The following GRM1 variants were observed in gnomAD, a reference collection of about 807,000 sequenced individuals.
GRM1 encodes glutamate metabotropic receptor 1.
A neutral mutation model predicts 90.9 loss-of-function variants in GRM1; 33 were observed. The ratio of observed to expected loss-of-function variants is 0.36; its 90% CI spans 0.28 to 0.49. GRM1 has a LOEUF of 0.49. Ranked by LOEUF, GRM1 falls within the 20% of genes least tolerant of loss-of-function variation. GRM1 has a pLI of 0.99. For missense variants in GRM1, 1,190 were observed against 1,534.3 expected, an observed-to-expected ratio of 0.78 and a Z score of 3.75; for synonymous variants, 700 against 613.2, an observed-to-expected ratio of 1.14 and a Z score of -2.09.
intron 2 of GRM1, among the ~76,000 whole-genome samples, chr6:146,234,259 C>T (rs553002289): frequency 1.1e-4 from 16 of 152,116 alleles, no homozygotes; most frequent in Admixed American, 9.2e-4. Flanking sequence ...TAGCATATAA[C>T]AGCATACAAG....
At chr6:146,104,357 G>A (rs1393865023) in intron 1 of GRM1, among the ~76,000 whole-genome samples, 1 of 151,926 alleles carries the variant, frequency 6.6e-6, no homozygotes, top group South Asian at 2.1e-4. Flanking sequence ...GGAGAATGAC[G>A]TGAACCTGGG....
rs9373491 is a variant in GRM1, at chr6:146,434,706, C to A, written c.3495C>A (p.Pro1165=). ...VASGSSVPSS[P]VSESVLCTPP... ...CGGGCAGCTCGGTGCCCAGCTCCCC[C>A]GTGTCCGAGTCGGTGCTCTGCACCC... Residue 1165 remains proline (P), a synonymous_variant, in exon 8 of 8, where the codon CCC becomes CCA. Coordinates refer to ENST00000282753, the MANE Select transcript of GRM1 (RefSeq NM_001278064.2). 0.53 allele frequency: 847,637 copies of A among 1,602,804 alleles called. 226,687 individuals are homozygous for A. Among genetic ancestry groups the A allele is most frequent in the African/African-American group, 0.67 (50,570 of 74,962 alleles).
chr6:146,418,747 T>C (rs1777877503), intron 7 of GRM1, among the ~76,000 whole-genome samples: 1 of 152,172 alleles, frequency 6.6e-6, no homozygotes, highest in East Asian at 1.9e-4. Context: ...CTGTTTTGAT[T>C]TATTCAGTCA....
chr6:146,077,513 G>A lies in GRM1; in HGVS notation c.700+47296G>A, dbSNP rs140968661. Among the ~76,000 whole-genome samples the A allele has an allele frequency of 2.0e-3, 312 of 152,288 alleles. 1 individual carries two copies. Among genetic ancestry groups the A allele is most frequent in the African/African-American group, 7.2e-3 (300 of 41,546 alleles). ...CCTCAACACAAAGACAAATTATGAA[G>A]CAGAGTGGTGTGGTAGAACAAGCAC... On this transcript the variant is annotated intron_variant, in intron 1 of 7. Transcript: ENST00000282753.
chr6:146,297,163 A>G (rs971474159), intron 2 of GRM1, among the ~76,000 whole-genome samples: 1 of 151,438 alleles, frequency 6.6e-6, no homozygotes, highest in Non-Finnish European at 1.5e-5. Flanking sequence ...ACGTGTAAAC[A>G]ATTTTTTTTT....
At chr6:146,429,837 C>A (rs1778345379) in intron 7 of GRM1, among the ~76,000 whole-genome samples, 1 of 152,160 alleles carries the variant, frequency 6.6e-6, no homozygotes, top group Admixed American at 6.5e-5. Context: ...CAGGAGTGAG[C>A]CTCTCTTTCT....
chr6:146,393,218 T>C (rs1776797737), intron 6 of GRM1, among the ~76,000 whole-genome samples: 1 of 152,166 alleles, frequency 6.6e-6, no homozygotes, highest in Non-Finnish European at 1.5e-5. Flanking sequence ...TTTTTAATGA[T>C]CACCATTCTA....
chr6:146,281,150 A>C (rs1271549724), intron 2 of GRM1, among the ~76,000 whole-genome samples: 1 of 152,140 alleles, frequency 6.6e-6, no homozygotes, highest in African/African-American at 2.4e-5. Flanking sequence ...CTGCTTTTCT[A>C]CCTTCTTCTT....
At chr6:146,106,013 G>T (rs2128872033) in intron 1 of GRM1, among the ~76,000 whole-genome samples, 1 of 152,242 alleles carries the variant, frequency 6.6e-6, no homozygotes, top group South Asian at 2.1e-4. Context: ...TCTAAACAGG[G>T]TCTAGGGCAT....
Position 146,434,481 on chromosome 6 carries a change from C to G in GRM1, c.3270C>G (p.Val1090=), listed in dbSNP as rs759730039. ...TGAGCACCTTTGGGGAGGAGCTGGT[C>G]TCCCCGCCCGCGGACGACGACGACG... ...LQLSTFGEEL[V]SPPADDDDDS... is the part of the protein sequence containing the mutation. The change falls in exon 8 of 8, where the codon GTC becomes GTG. Residue 1090 remains valine (V), a synonymous_variant. Coordinates refer to ENST00000282753, the MANE Select transcript of GRM1 (RefSeq NM_001278064.2). 6.2e-7 allele frequency: 1 copy of G among 1,614,012 alleles called. No homozygotes were observed. Among genetic ancestry groups the G allele is most frequent in the Non-Finnish European group, 8.5e-7 (1 of 1,179,992 alleles).
At position 146,053,651 on chromosome 6, in the gene GRM1, A is replaced by G. The variant is rs116396782; in HGVS notation, c.700+23434A>G. Among the ~76,000 whole-genome samples, 579 of 152,158 alleles carry G rather than the reference A, an allele frequency of 3.8e-3. 3 individuals are homozygous for G. The highest frequency in any genetic ancestry group is 0.013 in the African/African-American group (547 of 41,546). On this transcript the variant is annotated intron_variant, in intron 1 of 7. Coordinates refer to ENST00000282753, the MANE Select transcript of GRM1 (RefSeq NM_001278064.2). The stretch of plus-strand genomic sequence containing the variant: ...TGTGGCACAGCAGATCTCTGAACCC[A>G]GTTCTTGGTCCAGGGCTCTTTCATC...
intron 1 of GRM1, among the ~76,000 whole-genome samples, chr6:146,125,217 A>G (rs1245045508): frequency 6.6e-6 from 1 of 152,178 alleles, no homozygotes; most frequent in Non-Finnish European, 1.5e-5. Flanking sequence ...TATCACTCCC[A>G]ACACCCAAAT....
At chr6:146,350,248 G>C (rs1238322254) in intron 3 of GRM1, among the ~76,000 whole-genome samples, 1 of 152,158 alleles carries the variant, frequency 6.6e-6, no homozygotes, top group Non-Finnish European at 1.5e-5. Context: ...TTAAATAGTA[G>C]TTATAAAAAC....
chr6:146,228,489 C>CTAAT (rs1262605283), intron 2 of GRM1, among the ~76,000 whole-genome samples: 1 of 152,148 alleles, frequency 6.6e-6, no homozygotes, highest in Middle Eastern at 3.2e-3. Context: ...CCCTCATGAC[C>CTAAT]TAATCACTCC....
At chr6:146,154,529 AG>A (rs1216636412) in intron 1 of GRM1, among the ~76,000 whole-genome samples, 1 of 152,184 alleles carries the variant, frequency 6.6e-6, no homozygotes, top group African/African-American at 2.4e-5. Context: ...GGACTGAATT[AG>A]GTTACTGAAG....
chr6:146,273,496 G>T (rs1257833509), intron 2 of GRM1, among the ~76,000 whole-genome samples: 1 of 152,134 alleles, frequency 6.6e-6, no homozygotes, highest in African/African-American at 2.4e-5. Context: ...TACTCCCTAG[G>T]TGTCCTAAAA....
At chr6:146,267,763 C>T (rs906967559) in intron 2 of GRM1, among the ~76,000 whole-genome samples, 55 of 150,768 alleles carry the variant, frequency 3.6e-4, no homozygotes, top group African/African-American at 1.3e-3. Flanking sequence ...CTCGTCTCTT[C>T]ATGTTTTTCT....
chr6:146,159,608 C>T lies in GRM1; in HGVS notation c.950+11C>T, dbSNP rs1384752169. 3 of 315,888 alleles carry T rather than the reference C, an allele frequency of 9.5e-6. No individual in the cohort carries two copies. Among genetic ancestry groups the T allele is most frequent in the Admixed American group, 1.4e-4 (2 of 14,192 alleles). 19.6% of individuals were successfully genotyped at this position (315,888 alleles called of 1,614,324 possible). A position where few individuals can be genotyped will look rare whatever the true frequency, so the allele number is the denominator to read the frequency against. On this transcript the variant is annotated intron_variant, in intron 2 of 7. Transcript: ENST00000282753. ...CTCACTCATTGGAAGGTAAGTTTCT[C>T]TCTCTCTCTCTCTCTCTCTCTCTCT... is the stretch of plus-strand genomic sequence containing the variant.
chr6:146,433,996 G>A lies in GRM1; in HGVS notation c.2785G>A (p.Val929Ile), dbSNP rs2941. Residue 929 changes from valine to isoleucine, a missense_variant, in exon 8 of 8, where the codon GTC becomes ATC. Transcript: ENST00000282753. ...TGAGACGGCCTGCAACCAAACAGCC[G>A]TCATCAAGCCCCTCACTAAAAGTTA... ...TNETACNQTA[V>I]IKPLTKSYQG... 0.016 allele frequency: 25,687 copies of A among 1,613,966 alleles called. 264 individuals carry two copies. The highest frequency in any genetic ancestry group is 0.019 in the Middle Eastern group (116 of 6,062).
Sources: allele counts gnomAD v4.1 joint callset (sites outside exome capture counted in the v4.1 genomes callset), GRCh38; gene constraint gnomAD v4.1.1; transcripts MANE v1.5; gene names NCBI Gene and HGNC (gene_info 2026-07-23, HGNC 2026-07-21).